IDS: variants seen among roughly 807,000 people sequenced by gnomAD.
IDS encodes the protein iduronate 2-sulfatase.
In IDS, 1 loss-of-function variant was observed where a neutral mutation model predicts 33.5. The ratio of observed to expected loss-of-function variants is 0.03; its 90% CI spans 0.01 to 0.14. The LOEUF is 0.14. IDS is among the 10% of genes least tolerant of loss of function. The pLI is 1.00. For missense variants in IDS, 328 were observed against 448.0 expected (o/e 0.73, Z 2.42); for synonymous variants, 191 against 184.4 (o/e 1.04, Z -0.29).
At position 149,501,228 on chromosome X, in the gene IDS, G is replaced by A. The variant is rs1484114256; in HGVS notation, c.419-191C>T. Among the ~76,000 whole-genome samples the A allele has an allele frequency of 5.4e-5, 6 of 111,714 alleles. No homozygotes were observed. The Admixed American group carries it at 5.7e-4, about 11-fold the overall frequency. ...TTGAGAACTAAGCATCTGACTTCCT[G>A]GTCCCTAAGCCCTGATGATTTGTGC... On this transcript the variant is annotated intron_variant, in intron 3 of 8. Coordinates refer to ENST00000340855, the MANE Select transcript of IDS (RefSeq NM_000202.8).
In IDS at chrX:149,483,178, A is replaced by T; in HGVS notation, c.1221T>A (p.Phe407Leu). The T allele has an allele frequency of 8.3e-7, 1 of 1,210,995 alleles. No individual in the cohort carries two copies. Among genetic ancestry groups the T allele is most frequent in the Non-Finnish European group, 1.1e-6 (1 of 894,898 alleles). Residue 407 changes from phenylalanine to leucine, a missense_variant, in exon 9 of 9, where the codon TTT becomes TTA. This residue lies in a region of IDS where 265 missense variants were observed against 339.2 expected (regional missense o/e 0.78). Coordinates refer to ENST00000340855, the MANE Select transcript of IDS (RefSeq NM_000202.8). ...GTCCTGCAAGTCCAGCCAGCGTGGG[A>T]AAAAGAGACACAAGTTCCACAAGGT... ...SMDLVELVSL[F>L]PTLAGLAGLQ...
In IDS at chrX:149,479,960, A is replaced by G. The variant is rs2089286985; in HGVS notation, c.*2786T>C. The G allele has an allele frequency of 8.0e-6, 2 of 249,533 alleles. No homozygotes were observed. The highest frequency in any genetic ancestry group is 1.4e-4 in the Admixed American group (2 of 14,657). 20.6% of individuals were successfully genotyped at this position (249,533 alleles called of 1,213,427 possible). A position where few individuals can be genotyped will look rare whatever the true frequency, so the allele number is the denominator to read the frequency against. On this transcript the variant is annotated 3_prime_UTR_variant, in exon 9 of 9. Transcript: ENST00000340855. ...CCACAATAGAGTCTAGAGAGTCACA[A>G]AAACCTCAGCCTCCTTCGGGAGGGG...
At position 149,490,301 on chromosome X, in the gene IDS, T is replaced by C; in HGVS notation, c.1006+13A>G. ...AGATGTTTTGACTCACCAGGGAATT[T>C]CAAAATGCTTACCATGATCCGAGGT... On this transcript the variant is annotated intron_variant, in intron 7 of 8. Transcript: ENST00000340855. 2 of 1,210,145 alleles carry C rather than the reference T, an allele frequency of 1.7e-6. No homozygotes were observed. Among genetic ancestry groups the C allele is most frequent in the Non-Finnish European group, 2.2e-6 (2 of 894,148 alleles).
intron 7 of IDS, among the ~76,000 whole-genome samples, chrX:149,488,710 G>A (rs55834911): frequency 0.013 from 1,414 of 110,507 alleles, 17 homozygotes; most frequent in African/African-American, 0.045. Context: ...TCTGGTGCCG[G>A]GCCTCAGCCT....
chrX:149,500,819 C>T lies in IDS; in HGVS notation c.507+130G>A, dbSNP rs1027920710. The T allele has an allele frequency of 1.3e-5, 7 of 528,469 alleles. No homozygotes were observed. The Admixed American group carries it at 1.8e-4, about 14-fold the overall frequency. The allele number at this position is 528,469 out of a possible 1,213,427, so 43.6% of individuals were successfully genotyped here. A position where few individuals can be genotyped will look rare whatever the true frequency, so the allele number is the denominator to read the frequency against. On this transcript the variant is annotated intron_variant, in intron 4 of 8. Transcript: ENST00000340855. The stretch of plus-strand genomic sequence containing the variant: ...ATCCCAACACTTACTTCTGTCAAAA[C>T]ATTATCACAAATGAAACCCACAACT...
At position 149,490,451 on chromosome X, in the gene IDS, A is replaced by G. The variant is rs782043213; in HGVS notation, c.880-11T>C. On this transcript the variant is annotated splice_polypyrimidine_tract_variant and intron_variant, in intron 6 of 8. Coordinates refer to ENST00000340855, the MANE Select transcript of IDS (RefSeq NM_000202.8). The stretch of plus-strand genomic sequence containing the variant: ...CTGGCGGATTTTCCGCTGCAAATTG[A>G]AAAAAAATAAAAATGAGAGTGACTG... 2 of 1,202,049 alleles carry G rather than the reference A, an allele frequency of 1.7e-6. No individual in the cohort carries two copies. Among genetic ancestry groups the G allele is most frequent in the East Asian group, 3.0e-5 (1 of 33,635 alleles).
intron 6 of IDS, among the ~76,000 whole-genome samples, chrX:149,492,386 G>C (rs2089400807): frequency 8.9e-6 from 1 of 111,876 alleles, no homozygotes; most frequent in South Asian, 3.7e-4. Context: ...AGCACCTGCA[G>C]TCAGACAAAT....
intron 8 of IDS, among the ~76,000 whole-genome samples, chrX:149,486,392 T>C (rs1323156680): frequency 1.8e-5 from 2 of 111,527 alleles, no homozygotes; most frequent in Non-Finnish European, 3.8e-5. Flanking sequence ...GACTGGCACA[T>C]GGAAGTCAAA....
chrX:149,491,725 T>A, intron 6 of IDS: 1 of 886,422 alleles, frequency 1.1e-6, no homozygotes, highest in Non-Finnish European at 1.5e-6. Flanking sequence ...TATTCCCTCC[T>A]TCCTATGCTA....
chrX:149,490,460 AAAAATG>A lies in IDS; in HGVS notation c.880-26_880-21del. The A allele has an allele frequency of 8.3e-7, 1 of 1,208,643 alleles. No individual in the cohort carries two copies. ...TTTCCGCTGCAAATTGAAAAAAAAT[AAAAATG>A]AGAGTGACTGCAATTTAAATTGCCA... On this transcript the variant is annotated intron_variant, in intron 6 of 8. Coordinates refer to ENST00000340855, the MANE Select transcript of IDS (RefSeq NM_000202.8).
chrX:149,492,221 G>C (rs895750478), intron 6 of IDS, among the ~76,000 whole-genome samples: 62 of 111,752 alleles, frequency 5.5e-4, no homozygotes, highest in African/African-American at 2.0e-3. Flanking sequence ...AGAACCTTCT[G>C]ACCTTTCAGA....
At chrX:149,502,213 G>T (rs1211403817) in intron 3 of IDS, 4 of 322,837 alleles carry the variant, frequency 1.2e-5, no homozygotes, top group African/African-American at 1.1e-4. Context: ...GAAGGACATG[G>T]TGCTTAGAGC....
rs75737538 is a variant in IDS at position 149,504,891 on chromosome X, A to C, written c.103+144T>G. 3,630 of 443,448 alleles carry C rather than the reference A, an allele frequency of 8.2e-3. 118 individuals carry two copies. In the African/African-American group the frequency reaches 0.084, roughly 10 times the overall value. The allele number at this position is 443,448 out of a possible 1,213,427, so 36.5% of individuals were successfully genotyped here. A position where few individuals can be genotyped will look rare whatever the true frequency, so the allele number is the denominator to read the frequency against. On this transcript the variant is annotated intron_variant, in intron 1 of 8. Coordinates refer to ENST00000340855, the MANE Select transcript of IDS (RefSeq NM_000202.8). ...GAAGGAGTGAAAAATGGAGGGAGGG[A>C]ACGAATGATGGATGAAAGAAGGAAT...
At chrX:149,494,357 G>A (rs1470671184) in intron 6 of IDS, among the ~76,000 whole-genome samples, 6 of 111,911 alleles carry the variant, frequency 5.4e-5, no homozygotes, top group African/African-American at 1.3e-4. Context: ...AGCAATCCCC[G>A]TGAGGTAGAG....
At position 149,482,628 on chromosome X, in the gene IDS, T is replaced by G; in HGVS notation, c.*118A>C. 9.0e-7 allele frequency: 1 copy of G among 1,108,298 alleles called. No individual in the cohort carries two copies. The highest frequency in any genetic ancestry group is 1.8e-5 in the African/African-American group (1 of 55,494). 91.3% of individuals were successfully genotyped at this position (1,108,298 alleles called of 1,213,427 possible). A position where few individuals can be genotyped will look rare whatever the true frequency, so the allele number is the denominator to read the frequency against. On this transcript the variant is annotated 3_prime_UTR_variant, in exon 9 of 9. Coordinates refer to ENST00000340855, the MANE Select transcript of IDS (RefSeq NM_000202.8). ...CCAAATTGTTGATGCATGTTTGGATTAACTAGCCCTCAGGCTGCTTCCAAT... is the reference window on the plus strand; with the variant it reads ...CCAAATTGTTGATGCATGTTTGGATGAACTAGCCCTCAGGCTGCTTCCAAT...
At chrX:149,490,888 C>A (rs1557338670) in intron 6 of IDS, among the ~76,000 whole-genome samples, 1 of 112,057 alleles carries the variant, frequency 8.9e-6, no homozygotes, top group African/African-American at 3.3e-5. Context: ...CCTCAGCTTG[C>A]AGCTGTATCA....
intron 4 of IDS, 29 bp downstream of exon 4, chrX:149,500,920 C>T (rs1557339880): frequency 1.0e-6 from 1 of 984,055 alleles, no homozygotes; most frequent in South Asian, 1.9e-5. Flanking sequence ...AGTGGTTCCT[C>T]TTCAGAAATG....
Position 149,481,472 on chromosome X carries a change from G to C in IDS, c.*1274C>G, listed in dbSNP as rs2089295999. On this transcript the variant is annotated 3_prime_UTR_variant, in exon 9 of 9. Coordinates refer to ENST00000340855, the MANE Select transcript of IDS (RefSeq NM_000202.8). The stretch of plus-strand genomic sequence containing the variant: ...ATTTTGTTTCACAAATATTTACCTG[G>C]AAACACTGGAGACTTTGTAAAGAGA... 1 of 112,260 alleles carries C rather than the reference G, an allele frequency of 8.9e-6. No homozygotes were observed. Among genetic ancestry groups the C allele is most frequent in the Non-Finnish European group, 1.9e-5 (1 of 53,228 alleles). 9.3% of individuals were successfully genotyped at this position (112,260 alleles called of 1,213,427 possible). A position where few individuals can be genotyped will look rare whatever the true frequency, so the allele number is the denominator to read the frequency against.
rs1432633462 is a variant in IDS at position 149,481,238 on chromosome X, T to C, written c.*1508A>G. 1.8e-5 allele frequency: 2 copies of C among 111,938 alleles called. No individual in the cohort carries two copies. Among genetic ancestry groups the C allele is most frequent in the Non-Finnish European group, 3.8e-5 (2 of 53,171 alleles). 9.2% of individuals were successfully genotyped at this position (111,938 alleles called of 1,213,427 possible). On this transcript the variant is annotated 3_prime_UTR_variant, in exon 9 of 9. Coordinates refer to ENST00000340855, the MANE Select transcript of IDS (RefSeq NM_000202.8). ...CTCAAAAGAGAGACGAGCTTCAGGA[T>C]CAGGAAATGAACAGGGCCCTTCAGT...
Sources: allele counts gnomAD v4.1 joint callset (sites outside exome capture counted in the v4.1 genomes callset), GRCh38; gene constraint gnomAD v4.1.1; regional missense constraint gnomAD v4.1.1; transcripts MANE v1.5; gene names NCBI Gene and HGNC (gene_info 2026-07-23, HGNC 2026-07-21).